PASK: variants seen among roughly 807,000 people sequenced by gnomAD.
The protein encoded by PASK is PAS domain-containing serine/threonine-protein kinase.
In PASK, 110 loss-of-function variants were observed where a neutral mutation model predicts 121.0. The ratio of observed to expected loss-of-function variants is 0.91; its 90% CI spans 0.78 to 1.06. The LOEUF is 1.06. Among genes scored for constraint, PASK ranks in the 50% least tolerant of loss-of-function variants. The probability of loss-of-function intolerance (pLI) is 0.00; values close to 1 mark genes in which losing one functional copy is unlikely to be tolerated. For missense variants in PASK, 1,643 were observed against 1,702.3 expected (o/e 0.97, Z 0.61); for synonymous variants, 686 against 717.8 (o/e 0.96, Z 0.71).
At chr2:241,150,058 C>A, upstream of PASK, 1 of 1,344,766 alleles carries the variant, frequency 7.4e-7, no homozygotes, top group Non-Finnish European at 9.5e-7. Context: ...GTCAGGGATG[C>A]ACGTAGGACT....
intron 17 of PASK, among the ~76,000 whole-genome samples, chr2:241,107,112 C>T (rs1277260495): frequency 6.6e-6 from 1 of 152,210 alleles, no homozygotes; most frequent in Non-Finnish European, 1.5e-5. Context: ...GCTCCCATGA[C>T]ACCTGCCCAC....
chr2:241,128,975 G>C (rs184989897), intron 9 of PASK, among the ~76,000 whole-genome samples: 13 of 151,862 alleles, frequency 8.6e-5, no homozygotes, highest in Non-Finnish European at 1.6e-4. Flanking sequence ...CTGAGGGGGA[G>C]GCTGAGGGTC....
chr2:241,120,069 C>T (rs2065540635), intron 12 of PASK, among the ~76,000 whole-genome samples: 1 of 152,068 alleles, frequency 6.6e-6, no homozygotes, highest in African/African-American at 2.4e-5. Flanking sequence ...AATGAAACAT[C>T]AAGAAAGTGA....
chr2:241,138,870 G>A lies in PASK; in HGVS notation c.601-76C>T, dbSNP rs572186643. 1.2e-3 allele frequency: 1,842 copies of A among 1,482,766 alleles called. 5 individuals are homozygous for A. The highest frequency in any genetic ancestry group is 2.1e-3 in the South Asian group (190 of 88,588). The allele number at this position is 1,482,766 out of a possible 1,614,324, so 91.9% of individuals were successfully genotyped here. On this transcript the variant is annotated intron_variant, in intron 4 of 17. Transcript: ENST00000234040. Reference sequence around the variant, plus strand: ...GTATGGGTGGGGCACCTGCCTCCAGGAGGCCCAAACTCCAGGCACTGCAAC... The same window carrying A: ...GTATGGGTGGGGCACCTGCCTCCAGAAGGCCCAAACTCCAGGCACTGCAAC...
At chr2:241,125,569 C>T (rs1210504563) in intron 10 of PASK, among the ~76,000 whole-genome samples, 3 of 145,234 alleles carry the variant, frequency 2.1e-5, no homozygotes, top group Non-Finnish European at 3.0e-5. Flanking sequence ...TACTGCACTC[C>T]AGCCTGGGCA....
intron 11 of PASK, among the ~76,000 whole-genome samples, chr2:241,123,167 G>A (rs1376954938): frequency 6.8e-6 from 1 of 146,652 alleles, no homozygotes; most frequent in East Asian, 2.1e-4. Context: ...CAGATTTAAA[G>A]TGGCTTCTTT....
At position 241,106,729 on chromosome 2, in the gene PASK, G is replaced by GA. The variant is rs2064898577; in HGVS notation, c.3815-7dup. 3 of 1,613,744 alleles carry GA rather than the reference G, an allele frequency of 1.9e-6. No homozygotes were observed. Among genetic ancestry groups the GA allele is most frequent in the Non-Finnish European group, 2.5e-6 (3 of 1,179,772 alleles). On this transcript the variant is annotated splice_polypyrimidine_tract_variant and splice_region_variant and intron_variant, in intron 17 of 17. Coordinates refer to ENST00000234040, the MANE Select transcript of PASK (RefSeq NM_015148.4). ...AGCGGACAGAACTCCACTTTCTGAA[G>GA]AAACAAGAAGGTAACTGTATCACGT...
chr2:241,140,179 T>C (rs570390241), intron 3 of PASK, 124 bp from the exon 4 acceptor site: 10 of 812,322 alleles, frequency 1.2e-5, no homozygotes, highest in Admixed American at 2.0e-5. Context: ...CTCACTCTGT[T>C]GCCCAGGCTG....
At chr2:241,131,301 A>C (rs2066118826) in intron 9 of PASK, among the ~76,000 whole-genome samples, 1 of 151,994 alleles carries the variant, frequency 6.6e-6, no homozygotes, top group African/African-American at 2.4e-5. Context: ...GGCGCCCGCC[A>C]CCATGCCTGG....
chr2:241,140,581 A>C lies in PASK; in HGVS notation c.369T>G (p.Leu123=), dbSNP rs761530107. The change falls in exon 3 of 18, where the codon CTT becomes CTG. Residue 123 remains leucine, a synonymous_variant. Transcript: ENST00000234040. Reference sequence around the variant, plus strand: ...TGTTAGGGTTGCACACAGGGGCCGGAAGCAGAGGTGAGGACCACCCTGAGG... The same window carrying C: ...TGTTAGGGTTGCACACAGGGGCCGGCAGCAGAGGTGAGGACCACCCTGAGG... ...GLSSGWSSPL[L]PAPVCNPNKA... is the part of the protein sequence containing the mutation. The C allele has an allele frequency of 2.5e-6, 4 of 1,614,078 alleles. No individual in the cohort carries two copies. In the East Asian group the frequency reaches 8.9e-5, roughly 36 times the overall value.
chr2:241,127,342 G>A lies in PASK; in HGVS notation c.1573C>T (p.Pro525Ser), dbSNP rs2065917422. Residue 525 changes from proline (P) to serine (S), a missense_variant, in exon 10 of 18, where the codon CCC (proline) becomes TCC (serine). Transcript: ENST00000234040. ...GREEPVAIES[P>S]GQDLLGESRS... ...CTTTCTCCCAGAAGATCCTGTCCGG[G>A]GCTCTCTATTGCCACAGGTTCCTCT... is the stretch of plus-strand genomic sequence containing the variant. 1 of 1,614,176 alleles carries A rather than the reference G, an allele frequency of 6.2e-7. No individual in the cohort carries two copies.
At chr2:241,149,222 G>A (rs111744340) in intron 1 of PASK, among the ~76,000 whole-genome samples, 192 bp downstream of exon 1, 1 of 152,202 alleles carries the variant, frequency 6.6e-6, no homozygotes, top group South Asian at 2.1e-4. Flanking sequence ...CCGCGATTTG[G>A]GCACGGAGAG....
intron 1 of PASK, among the ~76,000 whole-genome samples, chr2:241,148,289 C>T (rs1363399472): frequency 2.6e-5 from 4 of 152,148 alleles, no homozygotes; most frequent in Non-Finnish European, 5.9e-5. Context: ...TCTCGGCGAA[C>T]TTCTAGAAGC....
chr2:241,118,990 T>C, intron 12 of PASK: 3 of 980,960 alleles, frequency 3.1e-6, no homozygotes, highest in Non-Finnish European at 3.7e-6. Context: ...CCAAGGGCTG[T>C]CAGGCTGGGC....
Position 241,123,991 on chromosome 2 carries a change from G to A in PASK, c.2862C>T (p.Thr954=), listed in dbSNP as rs1328489738. The change falls in exon 11 of 18, where the codon ACC becomes ACT. Residue 954 remains threonine (T), a synonymous_variant. Coordinates refer to ENST00000234040, the MANE Select transcript of PASK (RefSeq NM_015148.4). ...CGGTGAGCTCAGCAGCGGTAGAGTGGGTGGAGCCGGGCAGGCTGGCAAGGA... is the reference window on the plus strand; with the variant it reads ...CGGTGAGCTCAGCAGCGGTAGAGTGAGTGGAGCCGGGCAGGCTGGCAAGGA... ...RLFLASLPGS[T]HSTAAELTGP... 6.2e-7 allele frequency: 1 copy of A among 1,613,814 alleles called. No homozygotes were observed. The highest frequency in any genetic ancestry group is 1.3e-5 in the African/African-American group (1 of 74,902).
intron 17 of PASK, among the ~76,000 whole-genome samples, chr2:241,107,095 GC>G (rs2064918634): frequency 6.6e-6 from 1 of 152,124 alleles, no homozygotes; most frequent in Non-Finnish European, 1.5e-5. Context: ...GACCCCTTCT[GC>G]CAGGAGCTCC....
chr2:241,106,476 G>T lies in PASK; in HGVS notation c.*90C>A. 4 of 1,336,182 alleles carry T rather than the reference G, an allele frequency of 3.0e-6. No homozygotes were observed. In the East Asian group the frequency reaches 6.9e-5, roughly 23 times the overall value. 82.8% of individuals were successfully genotyped at this position (1,336,182 alleles called of 1,614,324 possible). Reference sequence around the variant, plus strand: ...AGTTTTTAGAAGGTGAATTGGGGATGCTTCAGAATGTATTTTCTCCAAACA... The same window carrying T: ...AGTTTTTAGAAGGTGAATTGGGGATTCTTCAGAATGTATTTTCTCCAAACA... On this transcript the variant is annotated 3_prime_UTR_variant, in exon 18 of 18. Coordinates refer to ENST00000234040, the MANE Select transcript of PASK (RefSeq NM_015148.4).
At chr2:241,149,202 C>G (rs1304318539) in intron 1 of PASK, among the ~76,000 whole-genome samples, 1 of 152,218 alleles carries the variant, frequency 6.6e-6, no homozygotes, top group African/African-American at 2.4e-5. Flanking sequence ...GGCCAACGGC[C>G]GCAACCCCGC....
chr2:241,143,431 G>C (rs1403974640), intron 1 of PASK, among the ~76,000 whole-genome samples: 4 of 151,930 alleles, frequency 2.6e-5, no homozygotes, highest in African/African-American at 7.3e-5. Flanking sequence ...GGTGCCTGTA[G>C]TCCCAGCTAC....
Sources: allele counts gnomAD v4.1 joint callset (sites outside exome capture counted in the v4.1 genomes callset), GRCh38; gene constraint gnomAD v4.1.1; transcripts MANE v1.5; gene names NCBI Gene and HGNC (gene_info 2026-07-23, HGNC 2026-07-21).